Variants in DLG2 observed in about 807,000 individuals in gnomAD.
The protein encoded by DLG2 is discs large MAGUK scaffold protein 2.
DLG2 carries 45 observed loss-of-function variants against 132.5 expected under a neutral mutation model. The ratio of observed to expected loss-of-function variants is 0.34; its 90% CI spans 0.27 to 0.44. The LOEUF (loss-of-function observed/expected upper bound fraction) is 0.44, where lower values mean the gene tolerates loss of function less well. Ranked by LOEUF, DLG2 falls within the 20% of genes least tolerant of loss-of-function variation. The probability of loss-of-function intolerance (pLI) is 1.00; values close to 1 mark genes in which losing one functional copy is unlikely to be tolerated. For missense variants in DLG2, 1,045 were observed against 1,196.9 expected, an observed-to-expected ratio of 0.87 and a Z score of 1.87; for synonymous variants, 424 against 419.6, an observed-to-expected ratio of 1.01 and a Z score of -0.13.
At chr11:84,345,983 C>G (rs2098537710) in intron 7 of DLG2, among the ~76,000 whole-genome samples, 1 of 152,126 alleles carries the variant, frequency 6.6e-6, no homozygotes, top group African/African-American at 2.4e-5. Flanking sequence ...GGTTAACAAG[C>G]AGTAAAGAAA....
At chr11:84,790,814 T>C (rs1214455568) in intron 6 of DLG2, among the ~76,000 whole-genome samples, 1 of 152,204 alleles carries the variant, frequency 6.6e-6, no homozygotes, top group Non-Finnish European at 1.5e-5. Flanking sequence ...GGATATCCAG[T>C]TTTCCTGGCA....
chr11:84,065,418 C>A (rs534512929), intron 10 of DLG2, among the ~76,000 whole-genome samples: 13 of 152,260 alleles, frequency 8.5e-5, no homozygotes, highest in African/African-American at 2.9e-4. Context: ...CATGAACAGA[C>A]ACTTTTCAAA....
intron 6 of DLG2, among the ~76,000 whole-genome samples, chr11:84,798,576 G>C (rs998531041): frequency 6.6e-6 from 1 of 152,136 alleles, no homozygotes; most frequent in African/African-American, 2.4e-5. Flanking sequence ...AGGACAGAAG[G>C]CTCTCCTCTG....
At chr11:84,862,596 T>A (rs1383535616) in intron 6 of DLG2, among the ~76,000 whole-genome samples, 3 of 151,852 alleles carry the variant, frequency 2.0e-5, no homozygotes, top group African/African-American at 7.3e-5. Flanking sequence ...ATAGACTGGA[T>A]AAAGAAAATG....
chr11:84,819,107 A>ACACACACACAC (rs58113219), intron 6 of DLG2, among the ~76,000 whole-genome samples: 17 of 125,660 alleles, frequency 1.4e-4, no homozygotes, highest in Non-Finnish European at 2.6e-4. Flanking sequence ...ACACACACAC[A>ACACACACACAC]ATTTCGTTTG....
chr11:84,723,876 T>A (rs1471625160), intron 6 of DLG2, among the ~76,000 whole-genome samples: 1 of 152,170 alleles, frequency 6.6e-6, no homozygotes, highest in Non-Finnish European at 1.5e-5. Context: ...TAAGCATTTC[T>A]CCTAATGACA....
intron 6 of DLG2, among the ~76,000 whole-genome samples, chr11:84,583,070 CTGA>C (rs1013098226): frequency 1.4e-4 from 21 of 152,236 alleles, no homozygotes; most frequent in Non-Finnish European, 2.8e-4. Context: ...CTATTCTAAC[CTGA>C]TGATTTTGTC....
At chr11:83,824,260 A>G (rs1017287479) in intron 17 of DLG2, among the ~76,000 whole-genome samples, 2 of 152,170 alleles carry the variant, frequency 1.3e-5, no homozygotes, top group African/African-American at 4.8e-5. Flanking sequence ...TTACTTCCCC[A>G]GGCTGAGCTA....
chr11:83,640,768 G>C (rs2066268615), intron 18 of DLG2, among the ~76,000 whole-genome samples: 1 of 152,180 alleles, frequency 6.6e-6, no homozygotes, highest in Non-Finnish European at 1.5e-5. Context: ...ATGGTAACAG[G>C]ATATCAAGAA....
At chr11:84,737,226 T>C (rs2063955687) in intron 6 of DLG2, among the ~76,000 whole-genome samples, 1 of 152,024 alleles carries the variant, frequency 6.6e-6, no homozygotes, top group African/African-American at 2.4e-5. Flanking sequence ...ATTATAATTT[T>C]AGTGTACTAC....
intron 18 of DLG2, among the ~76,000 whole-genome samples, chr11:83,688,371 T>C (rs1036255226): frequency 6.6e-6 from 1 of 152,190 alleles, no homozygotes; most frequent in South Asian, 2.1e-4. Flanking sequence ...AGATCACCTT[T>C]GTTAAGTATC....
At position 84,543,811 on chromosome 11, in the gene DLG2, A is replaced by AT. The variant is rs1201906449; in HGVS notation, c.358-9081dup. Reference sequence around the variant, plus strand: ...AAGCTCTCCCAGGTGCTCCATTTGAATTTTTTTTAAACAAAACTCAAAAGT... The same window carrying AT: ...AAGCTCTCCCAGGTGCTCCATTTGAATTTTTTTTTAAACAAAACTCAAAAGT... On this transcript the variant is annotated intron_variant, in intron 6 of 27. Coordinates refer to ENST00000376104, the MANE Select transcript of DLG2 (RefSeq NM_001142699.3). 3.9e-5 allele frequency among the ~76,000 whole-genome samples: 6 copies of AT among 152,016 alleles called. No homozygotes were observed. The East Asian group carries it at 5.8e-4, about 15-fold the overall frequency.
At chr11:83,759,084 A>G (rs2093782097) in intron 18 of DLG2, among the ~76,000 whole-genome samples, 3 of 152,232 alleles carry the variant, frequency 2.0e-5, no homozygotes, top group African/African-American at 7.2e-5. Flanking sequence ...GGAATGAGTC[A>G]GAAAGATTCT....
At position 85,209,681 on chromosome 11, in the gene DLG2, C is replaced by A. The variant is rs188213966; in HGVS notation, c.187-55030G>T. Among the ~76,000 whole-genome samples, 95 of 148,420 alleles carry A rather than the reference C, an allele frequency of 6.4e-4. 1 individual carries two copies. Among genetic ancestry groups the A allele is most frequent in the African/African-American group, 2.1e-3 (86 of 40,314 alleles). On this transcript the variant is annotated intron_variant, in intron 4 of 27. Coordinates refer to ENST00000376104, the MANE Select transcript of DLG2 (RefSeq NM_001142699.3). ...TCTTGAACTCCTGACCTCAAGTAAT[C>A]CACCCGCCTCGGCCTCCCAAAGTTC...
At chr11:85,029,072 G>T (rs1439354949) in intron 6 of DLG2, among the ~76,000 whole-genome samples, 1 of 152,274 alleles carries the variant, frequency 6.6e-6, no homozygotes, top group East Asian at 1.9e-4. Flanking sequence ...AAATTCTTGG[G>T]GTGGGGATGG....
intron 6 of DLG2, among the ~76,000 whole-genome samples, chr11:85,083,443 T>G (rs1311225590): frequency 6.6e-6 from 1 of 152,096 alleles, no homozygotes; most frequent in East Asian, 1.9e-4. Flanking sequence ...TTTAAAAGTT[T>G]ATTGTGCCAA....
intron 6 of DLG2, among the ~76,000 whole-genome samples, chr11:85,059,869 G>T (rs1268496512): frequency 6.6e-6 from 1 of 151,548 alleles, no homozygotes; most frequent in Admixed American, 6.6e-5. Context: ...TTTCTGCATT[G>T]ATATTTTATT....
intron 6 of DLG2, among the ~76,000 whole-genome samples, chr11:84,821,732 C>A (rs1015864607): frequency 6.7e-6 from 1 of 150,306 alleles, no homozygotes; most frequent in Non-Finnish European, 1.5e-5. Flanking sequence ...GTAGAAGATT[C>A]TTTGCCACTG....
At chr11:84,432,220 G>T (rs1157010837) in intron 7 of DLG2, among the ~76,000 whole-genome samples, 3 of 152,202 alleles carry the variant, frequency 2.0e-5, no homozygotes, top group Non-Finnish European at 1.5e-5. Flanking sequence ...GCTGTGATTA[G>T]CTGGTTAGCC....
Sources: gnomAD v4.1 joint callset for allele counts (sites outside exome capture counted in the v4.1 genomes callset) on GRCh38, gnomAD v4.1.1 for gene constraint, MANE v1.5 for transcripts, NCBI Gene and HGNC (gene_info 2026-07-23, HGNC 2026-07-21) for gene names.